Variants in CSMD1 observed in about 807,000 individuals in gnomAD.
CSMD1 encodes the protein CUB and Sushi multiple domains 1, also known as CUB and sushi domain-containing protein 1.
A neutral mutation model predicts 417.5 loss-of-function variants in CSMD1; 213 were observed. That is an observed-to-expected ratio of 0.51 (90% CI 0.46 to 0.57). CSMD1 has a LOEUF of 0.57. Ranked by LOEUF, CSMD1 falls within the 20% of genes least tolerant of loss-of-function variation. The probability of loss-of-function intolerance (pLI) is 0.00; values close to 1 mark genes in which losing one functional copy is unlikely to be tolerated. For synonymous variants in CSMD1, 2,862 were observed against 1,736.8 expected, an observed-to-expected ratio of 1.65 and a Z score of -16.11; for missense variants, 6,923 against 4,529.7, an observed-to-expected ratio of 1.53 and a Z score of -15.17.
intron 68 of CSMD1, among the ~76,000 whole-genome samples, chr8:2,946,756 G>T (rs1802267952): frequency 6.6e-6 from 1 of 152,200 alleles, no homozygotes; most frequent in Non-Finnish European, 1.5e-5. Context: ...ACCCATGTAG[G>T]AATGGAATTG....
intron 3 of CSMD1, among the ~76,000 whole-genome samples, chr8:4,035,832 G>A (rs1271733927): frequency 1.3e-5 from 2 of 152,086 alleles, no homozygotes; most frequent in African/African-American, 2.4e-5. Flanking sequence ...TGTACTCTAA[G>A]TGTACAGTGT....
At chr8:3,327,929 G>C (rs533910541) in intron 23 of CSMD1, among the ~76,000 whole-genome samples, 7 of 152,176 alleles carry the variant, frequency 4.6e-5, no homozygotes, top group African/African-American at 1.7e-4. Context: ...CTTGAACTCT[G>C]TAAATGACCA....
At chr8:3,667,259 G>T (rs13263933) in intron 7 of CSMD1, among the ~76,000 whole-genome samples, 46,515 of 151,924 alleles carry the variant, frequency 0.31, 7,846 homozygotes, top group Admixed American at 0.43. Flanking sequence ...TATATTAATA[G>T]GTTTTATGAT....
chr8:3,107,661 G>A, intron 45 of CSMD1, 57 bp downstream of exon 45: 2 of 930,818 alleles, frequency 2.1e-6, no homozygotes, highest in Non-Finnish European at 3.4e-6. Flanking sequence ...ACAATGAGAA[G>A]TGGGTGTAAA....
At chr8:4,338,589 C>G (rs1800304324) in intron 3 of CSMD1, among the ~76,000 whole-genome samples, 1 of 152,040 alleles carries the variant, frequency 6.6e-6, no homozygotes, top group Non-Finnish European at 1.5e-5. Flanking sequence ...CTGACATACT[C>G]ATAATAGAAA....
chr8:3,359,011 G>C lies in CSMD1; in HGVS notation c.3304+141C>G, dbSNP rs1020908416. 2.3e-4 allele frequency: 161 copies of C among 698,672 alleles called. 3 individuals are homozygous for C. The South Asian group carries it at 2.9e-3, about 13-fold the overall frequency. 43.3% of individuals were successfully genotyped at this position (698,672 alleles called of 1,614,324 possible). On this transcript the variant is annotated intron_variant, in intron 21 of 69. Transcript: ENST00000635120. Reference sequence around the variant, plus strand: ...CAGTTAGGCAGCTCCCCTCTCCCCTGGTTGGCAGAGTGGAGCCCACACTTT... The same window carrying C: ...CAGTTAGGCAGCTCCCCTCTCCCCTCGTTGGCAGAGTGGAGCCCACACTTT...
At chr8:3,832,394 G>C (rs533461065) in intron 5 of CSMD1, among the ~76,000 whole-genome samples, 1 of 152,226 alleles carries the variant, frequency 6.6e-6, no homozygotes, top group Non-Finnish European at 1.5e-5. Flanking sequence ...TTTCTCAATT[G>C]AATTATTTTA....
chr8:3,289,286 T>C (rs913140025), intron 25 of CSMD1, among the ~76,000 whole-genome samples: 2 of 147,480 alleles, frequency 1.4e-5, no homozygotes. Context: ...GCTATAAACA[T>C]ACGTGTGCAT....
chr8:4,350,129 C>G (rs1409641436), intron 3 of CSMD1, among the ~76,000 whole-genome samples: 1 of 152,210 alleles, frequency 6.6e-6, no homozygotes, highest in Non-Finnish European at 1.5e-5. Flanking sequence ...TCATCCCAAA[C>G]TTCAGTCCAA....
chr8:4,589,563 T>C (rs907208130), intron 2 of CSMD1, among the ~76,000 whole-genome samples: 2 of 152,190 alleles, frequency 1.3e-5, no homozygotes, highest in Admixed American at 6.5e-5. Context: ...TAATGTCGAC[T>C]CTATAATATG....
chr8:3,315,212 A>AT (rs150104319), intron 23 of CSMD1, among the ~76,000 whole-genome samples: 2,281 of 152,318 alleles, frequency 0.015, 54 homozygotes, highest in African/African-American at 0.051. Context: ...AAAGAACTGC[A>AT]TTAAAAACTT....
Position 4,637,219 on chromosome 8 carries a change from G to A in CSMD1, c.302+123C>T, listed in dbSNP as rs1015306198. Reference sequence around the variant, plus strand: ...TGGCTTCATTCTTGAAGTCAGCGAGGCCACGAACCCACCGGAAGGAACCAA... The same window carrying A: ...TGGCTTCATTCTTGAAGTCAGCGAGACCACGAACCCACCGGAAGGAACCAA... On this transcript the variant is annotated intron_variant, in intron 2 of 69. Transcript: ENST00000635120. The A allele has an allele frequency of 2.4e-5, 18 of 762,688 alleles. No individual in the cohort carries two copies. The Admixed American group carries it at 3.0e-4, about 13-fold the overall frequency. The allele number at this position is 762,688 out of a possible 1,614,324, so 47.2% of individuals were successfully genotyped here.
chr8:4,595,389 T>TTTTTTTTTTTTTTTTC (rs1554520259), intron 2 of CSMD1, among the ~76,000 whole-genome samples: 1 of 151,608 alleles, frequency 6.6e-6, no homozygotes, highest in African/African-American at 2.4e-5. Flanking sequence ...TTCATTTTCA[T>TTTTTTTTTTTTTTTTC]TCCATCCATC....
intron 3 of CSMD1, among the ~76,000 whole-genome samples, chr8:4,090,782 T>A (rs1350346941): frequency 6.6e-6 from 1 of 152,210 alleles, no homozygotes. Flanking sequence ...AATTAATAAT[T>A]CACTGGTGCG....
intron 5 of CSMD1, among the ~76,000 whole-genome samples, chr8:3,813,110 T>A (rs867214615): frequency 1.4e-3 from 199 of 141,946 alleles, no homozygotes; most frequent in Middle Eastern, 3.8e-3. Context: ...TTTTTTTTTT[T>A]AACTAGATGA....
At chr8:3,831,939 T>A (rs1187964330) in intron 5 of CSMD1, among the ~76,000 whole-genome samples, 1 of 152,180 alleles carries the variant, frequency 6.6e-6, no homozygotes, top group Non-Finnish European at 1.5e-5. Flanking sequence ...AGATTAGTCC[T>A]GGAAAGTTTG....
At chr8:3,772,643 A>ATATATACACATATT (rs1491512719) in intron 5 of CSMD1, among the ~76,000 whole-genome samples, 2 of 74,536 alleles carry the variant, frequency 2.7e-5, no homozygotes, top group African/African-American at 8.7e-5. Context: ...ATTTATATAC[A>ATATATACACATATT]TATATACATA....
At chr8:3,351,492 T>TG (rs1808418710) in intron 21 of CSMD1, among the ~76,000 whole-genome samples, 4 of 151,106 alleles carry the variant, frequency 2.6e-5, no homozygotes, top group African/African-American at 9.7e-5. Flanking sequence ...ATGCCTGTAA[T>TG]CCCAGCTACT....
intron 26 of CSMD1, among the ~76,000 whole-genome samples, chr8:3,262,077 C>T (rs1204378072): frequency 6.6e-6 from 1 of 151,078 alleles, no homozygotes; most frequent in African/African-American, 2.4e-5. Context: ...CAAAGTAAAA[C>T]AAGTTCAATT....
Sources: gnomAD v4.1 joint callset for allele counts (sites outside exome capture counted in the v4.1 genomes callset) on GRCh38, gnomAD v4.1.1 for gene constraint, MANE v1.5 for transcripts, NCBI Gene and HGNC (gene_info 2026-07-23, HGNC 2026-07-21) for gene names.